Variants in DPYSL2 observed in about 807,000 individuals in gnomAD.
The protein encoded by DPYSL2 is dihydropyrimidinase like 2, also known as dihydropyrimidinase-related protein 2.
In DPYSL2, 13 loss-of-function variants were observed where a neutral mutation model predicts 69.9. The observed-to-expected ratio is 0.19, with a 90% CI of 0.12 to 0.30. The LOEUF (loss-of-function observed/expected upper bound fraction) is 0.30, where lower values mean the gene tolerates loss of function less well. DPYSL2 is among the 10% of genes least tolerant of loss of function. DPYSL2 has a pLI of 1.00. For missense variants in DPYSL2, 587 were observed against 918.9 expected (o/e 0.64, Z 4.67); for synonymous variants, 326 against 359.1 (o/e 0.91, Z 1.04).
intron 1 of DPYSL2, chr8:26,577,942 T>C (rs1801394591): frequency 2.5e-6 from 3 of 1,212,032 alleles, no homozygotes; most frequent in Admixed American, 4.4e-5. Context: ...AACCGAGGCT[T>C]TTATTGCTGT....
chr8:26,532,770 C>T (rs1800531884), intron 1 of DPYSL2, among the ~76,000 whole-genome samples: 1 of 152,126 alleles, frequency 6.6e-6, no homozygotes, highest in Admixed American at 6.6e-5. Context: ...ATTCATTCAT[C>T]AGTTGACAGG....
intron 1 of DPYSL2, chr8:26,578,517 C>G (rs1801411266): frequency 1.4e-6 from 2 of 1,422,010 alleles, no homozygotes; most frequent in South Asian, 3.1e-5. Flanking sequence ...AGCGCGAGTG[C>G]ACGAAGGTAG....
At position 26,593,553 on chromosome 8, in the gene DPYSL2, A is replaced by G. The variant is rs553569591; in HGVS notation, c.628+9570A>G. ...TGGCCAGGGTGGAGTCTACAGCCAGATGCTCCCCAGAAGCTTAACCATGGA... is the reference window on the plus strand; with the variant it reads ...TGGCCAGGGTGGAGTCTACAGCCAGGTGCTCCCCAGAAGCTTAACCATGGA... On this transcript the variant is annotated intron_variant, in intron 3 of 13. Coordinates refer to ENST00000521913, the MANE Select transcript of DPYSL2 (RefSeq NM_001197293.3). This position sits in a 1 kb window ranked among gnomAD's most constrained non-coding sequence, Gnocchi z 5.7. Among the ~76,000 whole-genome samples the G allele has an allele frequency of 1.3e-5, 2 of 152,324 alleles. No individual in the cohort carries two copies. Among genetic ancestry groups the G allele is most frequent in the Admixed American group, 6.5e-5 (1 of 15,312 alleles).
Position 26,598,338 on chromosome 8 carries a change from G to T in DPYSL2, c.628+14355G>T, listed in dbSNP as rs375954228. Among the ~76,000 whole-genome samples the T allele has an allele frequency of 6.6e-6, 1 of 152,272 alleles. No homozygotes were observed. Among genetic ancestry groups the T allele is most frequent in the South Asian group, 2.1e-4 (1 of 4,820 alleles). On this transcript the variant is annotated intron_variant, in intron 3 of 13. Transcript: ENST00000521913. This position sits in a 1 kb window ranked among gnomAD's most constrained non-coding sequence, Gnocchi z 4.2. Reference sequence around the variant, plus strand: ...AAATGGTCAGCATTGCTATGAAATGGTTTATTTTTTTGTGGATGTTTTAGA... The same window carrying T: ...AAATGGTCAGCATTGCTATGAAATGTTTTATTTTTTTGTGGATGTTTTAGA...
chr8:26,588,531 C>T lies in DPYSL2; in HGVS notation c.628+4548C>T, dbSNP rs115849244. On this transcript the variant is annotated intron_variant, in intron 3 of 13. Coordinates refer to ENST00000521913, the MANE Select transcript of DPYSL2 (RefSeq NM_001197293.3). The surrounding 1 kb of genome is among the most constrained non-coding windows in gnomAD (Gnocchi z 5.4). ...TTTCTGCTCACCTGAACTCCAGGCT[C>T]TCTCTAGAGGAGGTGCACCCTCAGG... Among the ~76,000 whole-genome samples, 7,591 of 152,236 alleles carry T rather than the reference C, an allele frequency of 0.05. 281 individuals are homozygous for T. The highest frequency in any genetic ancestry group is 0.16 in the South Asian group (761 of 4,820).
chr8:26,583,124 TCTC>T (rs1374642335), intron 2 of DPYSL2, among the ~76,000 whole-genome samples: 4 of 152,152 alleles, frequency 2.6e-5, no homozygotes, highest in African/African-American at 7.2e-5. Context: ...TTTATCAACT[TCTC>T]CTAGATTAAT....
chr8:26,638,247 A>G (rs1802961964), intron 8 of DPYSL2, among the ~76,000 whole-genome samples: 1 of 152,208 alleles, frequency 6.6e-6, no homozygotes, highest in Non-Finnish European at 1.5e-5. Context: ...CGGGGCTACA[A>G]AAGGGGTACA....
At position 26,514,457 on chromosome 8, in the gene DPYSL2, C is replaced by A; in HGVS notation, c.132C>A (p.Ser44=). The A allele has an allele frequency of 6.5e-7, 1 of 1,528,694 alleles. No individual in the cohort carries two copies. The highest frequency in any genetic ancestry group is 8.7e-7 in the Non-Finnish European group (1 of 1,144,340). 94.7% of individuals were successfully genotyped at this position (1,528,694 alleles called of 1,614,324 possible). A position where few individuals can be genotyped will look rare whatever the true frequency, so the allele number is the denominator to read the frequency against. Reference sequence around the variant, plus strand: ...GCATGTTCTGCCCGGTGGAAGGGTCCTCGGAGAACAAGACCATCGACTTCG... The same window carrying A: ...GCATGTTCTGCCCGGTGGAAGGGTCATCGGAGAACAAGACCATCGACTTCG... ...FCGMFCPVEG[S]SENKTIDFDS... The change falls in exon 1 of 14, where the codon TCC becomes TCA. Residue 44 remains serine (S), a synonymous_variant. Coordinates refer to ENST00000521913, the MANE Select transcript of DPYSL2 (RefSeq NM_001197293.3). This position sits in a 1 kb window ranked among gnomAD's most constrained non-coding sequence, Gnocchi z 8.4.
rs768978072 is a variant in DPYSL2 at position 26,567,835 on chromosome 8, TC to T, written c.355-14133del. Among the ~76,000 whole-genome samples, 8 of 152,212 alleles carry T rather than the reference TC, an allele frequency of 5.3e-5. No individual in the cohort carries two copies. The East Asian group carries it at 1.2e-3, about 22-fold the overall frequency. On this transcript the variant is annotated intron_variant, in intron 1 of 13. Coordinates refer to ENST00000521913, the MANE Select transcript of DPYSL2 (RefSeq NM_001197293.3). ...TGGGGAGAAGAAGAGATGAAGGGCA[TC>T]AATTCCCACTTAGTCTCTCCAGGCT...
Position 26,614,683 on chromosome 8 carries a change from T to C in DPYSL2, c.629-9460T>C, listed in dbSNP as rs992993523. Reference sequence around the variant, plus strand: ...CTTCTAGATGCTGAACAATGACCGATGGTGCCACTTGATTTATATGAAGAT... The same window carrying C: ...CTTCTAGATGCTGAACAATGACCGACGGTGCCACTTGATTTATATGAAGAT... On this transcript the variant is annotated intron_variant, in intron 3 of 13. Transcript: ENST00000521913. The surrounding 1 kb of genome is among the most constrained non-coding windows in gnomAD (Gnocchi z 4.9). 2.0e-5 allele frequency among the ~76,000 whole-genome samples: 3 copies of C among 152,206 alleles called. No individual in the cohort carries two copies. Among genetic ancestry groups the C allele is most frequent in the Non-Finnish European group, 2.9e-5 (2 of 68,030 alleles).
chr8:26,633,383 T>C (rs1443447001), intron 7 of DPYSL2, among the ~76,000 whole-genome samples: 1 of 152,212 alleles, frequency 6.6e-6, no homozygotes, highest in Non-Finnish European at 1.5e-5. Flanking sequence ...CTCTGTAGGA[T>C]AGAACTTGAT....
chr8:26,649,006 T>C (rs1023285221), intron 11 of DPYSL2, among the ~76,000 whole-genome samples: 1 of 152,240 alleles, frequency 6.6e-6, no homozygotes, highest in African/African-American at 2.4e-5. Context: ...TTGGGTGTCC[T>C]GACTGGCTAT....
chr8:26,578,258 T>C (rs1330124540), intron 1 of DPYSL2: 1 of 1,614,078 alleles, frequency 6.2e-7, no homozygotes, highest in Non-Finnish European at 8.5e-7. Flanking sequence ...GAGAGAGATG[T>C]CTTATCAGGG....
chr8:26,565,494 G>A lies in DPYSL2; in HGVS notation c.355-16475G>A, dbSNP rs755035440. 7.2e-5 allele frequency among the ~76,000 whole-genome samples: 11 copies of A among 152,154 alleles called. No individual in the cohort carries two copies. The highest frequency in any genetic ancestry group is 8.8e-5 in the Non-Finnish European group (6 of 68,028). On this transcript the variant is annotated intron_variant, in intron 1 of 13. Transcript: ENST00000521913. The surrounding 1 kb of genome is among the most constrained non-coding windows in gnomAD (Gnocchi z 4.1). The stretch of plus-strand genomic sequence containing the variant: ...CATCACATCTTGATGATGTGGTTAG[G>A]GGATGAGGGCTCAGATAGCCCTTGG...
chr8:26,518,345 T>G (rs1163927108), intron 1 of DPYSL2, among the ~76,000 whole-genome samples: 1 of 151,988 alleles, frequency 6.6e-6, no homozygotes, highest in East Asian at 1.9e-4. Flanking sequence ...AAAGTGGGGG[T>G]GGGGGATAAT....
intron 1 of DPYSL2, among the ~76,000 whole-genome samples, chr8:26,530,221 C>T (rs963950042): frequency 6.6e-6 from 1 of 151,698 alleles, no homozygotes; most frequent in African/African-American, 2.4e-5. Context: ...CCTCCAATTT[C>T]AGTGACGTGA....
At chr8:26,602,428 C>T (rs1434620910) in intron 3 of DPYSL2, among the ~76,000 whole-genome samples, 1 of 152,122 alleles carries the variant, frequency 6.6e-6, no homozygotes, top group Non-Finnish European at 1.5e-5. Context: ...TTGGATGTAA[C>T]AGCGATGAGA....
intron 1 of DPYSL2, chr8:26,577,725 G>T: frequency 1.2e-6 from 1 of 845,320 alleles, no homozygotes; most frequent in Non-Finnish European, 1.4e-6. Flanking sequence ...CGAAAGGCGC[G>T]CTCCCAGCGC....
At chr8:26,522,905 G>C (rs1361274531) in intron 1 of DPYSL2, among the ~76,000 whole-genome samples, 2 of 151,836 alleles carry the variant, frequency 1.3e-5, no homozygotes, top group Non-Finnish European at 2.9e-5. Flanking sequence ...ACTATCCCCG[G>C]CTGTTCTTAA....
Sources: allele counts gnomAD v4.1 joint callset (sites outside exome capture counted in the v4.1 genomes callset), GRCh38; gene constraint gnomAD v4.1.1; non-coding constraint Gnocchi (gnomAD v3.1); transcripts MANE v1.5; gene names NCBI Gene and HGNC (gene_info 2026-07-23, HGNC 2026-07-21).